CMSS1: variants seen among roughly 807,000 people sequenced by gnomAD.
CMSS1 encodes the protein cms1 ribosomal small subunit homolog.
Under a neutral mutation model 43.5 loss-of-function variants are expected in CMSS1, and 33 were observed. That is an observed-to-expected ratio of 0.76 (90% CI 0.57 to 1.01). The LOEUF is 1.01. CMSS1 is among the 50% of genes least tolerant of loss of function. The pLI is 0.00. For missense variants in CMSS1, 313 were observed against 326.4 expected (o/e 0.96, Z 0.32); for synonymous variants, 115 against 117.2 (o/e 0.98, Z 0.12).
At position 100,154,113 on chromosome 3, in the gene CMSS1, G is replaced by T. The variant is rs910862541; in HGVS notation, c.154-6317G>T. Among the ~76,000 whole-genome samples, 3 of 152,140 alleles carry T rather than the reference G, an allele frequency of 2.0e-5. No individual in the cohort carries two copies. The South Asian group carries it at 6.2e-4, about 31-fold the overall frequency. ...GATCCGTCCACCTGGGCCTCCCAAA[G>T]TGCTGGGATTACAGGTGTGAGCCAC... is the stretch of plus-strand genomic sequence containing the variant. On this transcript the variant is annotated intron_variant, in intron 2 of 9. Coordinates refer to ENST00000421999, the MANE Select transcript of CMSS1 (RefSeq NM_032359.4).
rs74562959 is a variant in CMSS1 at position 100,146,762 on chromosome 3, C to T, written c.65-211C>T. ...AACATTCCCTCCTAAGGTGACACAT[C>T]TAAGTTATCTTTAGTTTTTCAGTTT... On this transcript the variant is annotated intron_variant, in intron 1 of 9. Coordinates refer to ENST00000421999, the MANE Select transcript of CMSS1 (RefSeq NM_032359.4). 7.6e-3 allele frequency among the ~76,000 whole-genome samples: 1,151 copies of T among 152,246 alleles called. 9 individuals carry two copies. The highest frequency in any genetic ancestry group is 0.014 in the Non-Finnish European group (939 of 68,010).
chr3:99,843,984 C>T (rs1943249615), intron 1 of CMSS1, among the ~76,000 whole-genome samples: 1 of 151,928 alleles, frequency 6.6e-6, no homozygotes, highest in Admixed American at 6.6e-5. Flanking sequence ...ATCCTGAAAC[C>T]ATCCCCCCAA....
chr3:99,869,952 G>T (rs1944707320), intron 1 of CMSS1, among the ~76,000 whole-genome samples: 2 of 152,236 alleles, frequency 1.3e-5, no homozygotes, highest in South Asian at 4.2e-4. Flanking sequence ...GCTCTCACAG[G>T]CCCAAGTGCT....
At chr3:100,129,596 G>C (rs944326058) in intron 1 of CMSS1, among the ~76,000 whole-genome samples, 9 of 152,084 alleles carry the variant, frequency 5.9e-5, no homozygotes, top group African/African-American at 1.4e-4. Flanking sequence ...AATTAAAAAG[G>C]AAAAATTTAA....
intron 1 of CMSS1, among the ~76,000 whole-genome samples, chr3:100,137,705 G>A (rs2066767902): frequency 1.3e-5 from 2 of 151,916 alleles, no homozygotes; most frequent in African/African-American, 4.8e-5. Context: ...TGGGACTATA[G>A]GCGCCCGCCA....
intron 1 of CMSS1, among the ~76,000 whole-genome samples, chr3:99,883,627 G>A (rs1174297446): frequency 6.6e-6 from 1 of 152,068 alleles, no homozygotes; most frequent in Non-Finnish European, 1.5e-5. Context: ...ATGAACAACT[G>A]CACACCCAAA....
chr3:99,940,929 G>A (rs1278371137), intron 1 of CMSS1, among the ~76,000 whole-genome samples: 11 of 152,196 alleles, frequency 7.2e-5, no homozygotes, highest in Non-Finnish European at 1.5e-5. Context: ...GGTTGTTGTA[G>A]AGAAGATGTT....
intron 1 of CMSS1, chr3:100,114,483 CGTGAGCACGTCT>C (rs1487242091): frequency 6.5e-6 from 1 of 154,690 alleles, no homozygotes; most frequent in Non-Finnish European, 1.4e-5. Context: ...GCACAGGCTC[CGTGAGCACGTCT>C]GTGTGTGTGT....
At chr3:99,928,899 G>A (rs534302743) in intron 1 of CMSS1, among the ~76,000 whole-genome samples, 27 of 152,256 alleles carry the variant, frequency 1.8e-4, no homozygotes, top group Non-Finnish European at 3.5e-4. Flanking sequence ...TCCTCACCCC[G>A]TAGAGAAGCA....
Position 100,162,349 on chromosome 3 carries a change from T to A in CMSS1, c.272T>A (p.Leu91Ter). 6.2e-7 allele frequency: 1 copy of A among 1,613,492 alleles called. No individual in the cohort carries two copies. Among genetic ancestry groups the A allele is most frequent in the Non-Finnish European group, 8.5e-7 (1 of 1,179,586 alleles). Residue 91 changes from leucine to a stop codon, truncating the protein, a stop_gained, in exon 4 of 10, where the codon TTA (leucine) becomes TAA (stop). Coordinates refer to ENST00000421999, the MANE Select transcript of CMSS1 (RefSeq NM_032359.4). LOFTEE classifies it high-confidence loss of function. ...GCAAAATCAGAACCAAAACCAGGGT[T>A]ACCTGAAGACCTACAGAAGCTGATG... ...VLAKSEPKPG[L>*]PEDLQKLMKD... is the part of the protein sequence containing the mutation.
At chr3:99,991,962 G>GTA (rs896781734) in intron 1 of CMSS1, among the ~76,000 whole-genome samples, 2 of 147,084 alleles carry the variant, frequency 1.4e-5, no homozygotes, top group African/African-American at 5.0e-5. Context: ...ATATATGTGT[G>GTA]TATATATACA....
At chr3:99,850,497 C>G (rs746880528) in intron 1 of CMSS1, 3 of 1,613,200 alleles carry the variant, frequency 1.9e-6, no homozygotes, top group Non-Finnish European at 2.5e-6. Flanking sequence ...TGCACTGCTC[C>G]TCCATTTTTA....
chr3:100,078,442 C>T (rs1290905329), intron 1 of CMSS1, among the ~76,000 whole-genome samples: 2 of 152,174 alleles, frequency 1.3e-5, no homozygotes, highest in Non-Finnish European at 2.9e-5. Flanking sequence ...TAGCAAACCA[C>T]TCCAAAATGT....
intron 1 of CMSS1, among the ~76,000 whole-genome samples, chr3:100,126,808 C>G (rs2066666444): frequency 6.6e-6 from 1 of 152,134 alleles, no homozygotes; most frequent in African/African-American, 2.4e-5. Flanking sequence ...ACCATCCTGG[C>G]TAACACGGTG....
intron 1 of CMSS1, among the ~76,000 whole-genome samples, chr3:99,916,437 T>TACACACACACACACACAC (rs10529210): frequency 1.4e-4 from 19 of 137,180 alleles, no homozygotes; most frequent in African/African-American, 5.3e-4. Flanking sequence ...TAACGGTTTA[T>TACACACACACACACACAC]ACACACACAC....
At chr3:99,897,975 C>A (rs999067224) in intron 1 of CMSS1, among the ~76,000 whole-genome samples, 1 of 152,188 alleles carries the variant, frequency 6.6e-6, no homozygotes, top group Admixed American at 6.5e-5. Context: ...AAAAGATATC[C>A]TACCTCCAAT....
intron 1 of CMSS1, among the ~76,000 whole-genome samples, chr3:99,835,546 A>G (rs1294086089): frequency 2.0e-5 from 3 of 152,194 alleles, no homozygotes; most frequent in Non-Finnish European, 2.9e-5. Context: ...TGGTTCTTAA[A>G]TTTTATATGC....
At chr3:100,083,741 G>A (rs530688085) in intron 1 of CMSS1, among the ~76,000 whole-genome samples, 66 of 151,972 alleles carry the variant, frequency 4.3e-4, no homozygotes, top group African/African-American at 1.5e-3. Context: ...CCATTTCTTT[G>A]TTTGTTTGTT....
chr3:100,134,061 G>A (rs555793708), intron 1 of CMSS1, among the ~76,000 whole-genome samples: 1 of 152,242 alleles, frequency 6.6e-6, no homozygotes, highest in African/African-American at 2.4e-5. Context: ...CTTCCTTGGG[G>A]TTACACTCTA....
Sources: gnomAD v4.1 joint callset for allele counts (sites outside exome capture counted in the v4.1 genomes callset) on GRCh38, gnomAD v4.1.1 for gene constraint, MANE v1.5 for transcripts, NCBI Gene and HGNC (gene_info 2026-07-23, HGNC 2026-07-21) for gene names.